ARHGAP18: variants seen among roughly 807,000 people sequenced by gnomAD.
ARHGAP18 encodes the protein rho GTPase-activating protein 18.
A neutral mutation model predicts 86.2 loss-of-function variants in ARHGAP18; 67 were observed. The observed-to-expected ratio is 0.78, with a 90% CI of 0.64 to 0.95. The LOEUF (loss-of-function observed/expected upper bound fraction) is 0.95. Ranked by LOEUF, ARHGAP18 falls within the 40% of genes least tolerant of loss-of-function variation. The probability of loss-of-function intolerance (pLI) is 0.00; values close to 1 mark genes in which losing one functional copy is unlikely to be tolerated. For synonymous variants in ARHGAP18, 283 were observed against 280.4 expected, an observed-to-expected ratio of 1.01 and a Z score of -0.09; for missense variants, 691 against 780.4, an observed-to-expected ratio of 0.89 and a Z score of 1.37.
intron 1 of ARHGAP18, among the ~76,000 whole-genome samples, chr6:129,695,119 A>C (rs1774590875): frequency 6.6e-6 from 1 of 152,114 alleles, no homozygotes; most frequent in South Asian, 2.1e-4. Context: ...AATGGTAATA[A>C]CTATTCTGAA....
intron 1 of ARHGAP18, among the ~76,000 whole-genome samples, chr6:129,647,769 G>T (rs530188093): frequency 6.6e-6 from 1 of 151,888 alleles, no homozygotes; most frequent in East Asian, 1.9e-4. Context: ...CATATGTATT[G>T]AAGTGTAAAC....
At chr6:129,678,636 T>C (rs1395006630) in intron 1 of ARHGAP18, among the ~76,000 whole-genome samples, 1 of 152,120 alleles carries the variant, frequency 6.6e-6, no homozygotes, top group Non-Finnish European at 1.5e-5. Flanking sequence ...ACCTGGGAGC[T>C]TCACCAAAAA....
chr6:129,706,861 G>A (rs1774809893), intron 1 of ARHGAP18, among the ~76,000 whole-genome samples: 1 of 142,924 alleles, frequency 7.0e-6, no homozygotes, highest in Admixed American at 7.2e-5. Context: ...ATTCCAGCCT[G>A]GGTGACAGAG....
chr6:129,668,110 T>C (rs1774075233), intron 1 of ARHGAP18, among the ~76,000 whole-genome samples: 1 of 152,242 alleles, frequency 6.6e-6, no homozygotes, highest in African/African-American at 2.4e-5. Context: ...GTCAGCTACC[T>C]GCCATCCATT....
At chr6:129,625,634 T>TTTATA (rs1261407492) in intron 5 of ARHGAP18, among the ~76,000 whole-genome samples, 1 of 46,618 alleles carries the variant, frequency 2.1e-5, no homozygotes, top group Admixed American at 4.1e-4. Flanking sequence ...ATTATATATA[T>TTTATA]TTATATTATA....
intron 1 of ARHGAP18, among the ~76,000 whole-genome samples, chr6:129,680,910 C>T (rs568826302): frequency 6.6e-6 from 1 of 152,352 alleles, no homozygotes; most frequent in Admixed American, 6.5e-5. Context: ...GCAATGACAG[C>T]AGTGGAGGAT....
In ARHGAP18 at chr6:129,660,167, C is replaced by T. The variant is rs145538730; in HGVS notation, c.114-18149G>A. Among the ~76,000 whole-genome samples the T allele has an allele frequency of 1.8e-3, 279 of 152,204 alleles. 1 individual carries two copies. Among genetic ancestry groups the T allele is most frequent in the Non-Finnish European group, 3.0e-3 (203 of 68,004 alleles). On this transcript the variant is annotated intron_variant, in intron 1 of 14. Transcript: ENST00000368149. ...TAAGAACCCTGGAATGCAGGCAGTA[C>T]GACAATGGAAAGTTTTTAAACAAGC...
intron 1 of ARHGAP18, among the ~76,000 whole-genome samples, chr6:129,708,503 C>A (rs1562732176): frequency 6.6e-6 from 1 of 152,216 alleles, no homozygotes; most frequent in Non-Finnish European, 1.5e-5. Flanking sequence ...CAGCCCCAGA[C>A]AAAGGCCTAG....
At chr6:129,605,041 G>GA (rs1235621718) in intron 10 of ARHGAP18, among the ~76,000 whole-genome samples, 1 of 151,654 alleles carries the variant, frequency 6.6e-6, no homozygotes, top group Non-Finnish European at 1.5e-5. Flanking sequence ...ATCTTAAATA[G>GA]AAAAAAATGA....
chr6:129,594,262 T>C (rs4895852), intron 12 of ARHGAP18, among the ~76,000 whole-genome samples: 84,826 of 152,040 alleles, frequency 0.56, 24,473 homozygotes, highest in African/African-American at 0.71. Flanking sequence ...AAACCTTTGT[T>C]CAGTGTTAAC....
chr6:129,709,854 G>A (rs986002426), intron 1 of ARHGAP18, among the ~76,000 whole-genome samples, 170 bp downstream of exon 1: 2 of 152,222 alleles, frequency 1.3e-5, no homozygotes, highest in Non-Finnish European at 2.9e-5. Flanking sequence ...ACTTGGACTA[G>A]GTGAGATGAA....
At chr6:129,705,322 A>G (rs1418226735) in intron 1 of ARHGAP18, among the ~76,000 whole-genome samples, 2 of 152,224 alleles carry the variant, frequency 1.3e-5, no homozygotes, top group African/African-American at 4.8e-5. Flanking sequence ...GGGCAGTAGT[A>G]GTTCTTAAAG....
chr6:129,579,983 T>C, intron 14 of ARHGAP18, 87 bp downstream of exon 14: 3 of 1,137,354 alleles, frequency 2.6e-6, no homozygotes, highest in Non-Finnish European at 2.6e-6. Flanking sequence ...ACTTCTAATT[T>C]CCTGTTCTTC....
intron 3 of ARHGAP18, among the ~76,000 whole-genome samples, chr6:129,637,250 A>G (rs1296200234): frequency 6.6e-6 from 1 of 152,000 alleles, no homozygotes; most frequent in Non-Finnish European, 1.5e-5. Flanking sequence ...CTTTTTGTAG[A>G]GATTGGGTTT....
chr6:129,585,721 A>G (rs1161281210), intron 12 of ARHGAP18, among the ~76,000 whole-genome samples: 1 of 152,172 alleles, frequency 6.6e-6, no homozygotes, highest in East Asian at 1.9e-4. Context: ...AGGGCCTTAC[A>G]CTCATGACTT....
intron 1 of ARHGAP18, among the ~76,000 whole-genome samples, chr6:129,646,942 T>C (rs903613465): frequency 1.6e-4 from 25 of 152,152 alleles, no homozygotes; most frequent in African/African-American, 6.0e-4. Context: ...CAACACATAA[T>C]GGGTCTGAAA....
intron 7 of ARHGAP18, among the ~76,000 whole-genome samples, chr6:129,615,545 C>T (rs770765235): frequency 6.6e-6 from 1 of 152,164 alleles, no homozygotes; most frequent in African/African-American, 2.4e-5. Flanking sequence ...ATTTCAGAAA[C>T]GGTGATATGC....
chr6:129,589,868 G>A (rs772880131), intron 12 of ARHGAP18, among the ~76,000 whole-genome samples: 75 of 152,284 alleles, frequency 4.9e-4, no homozygotes, highest in Non-Finnish European at 9.4e-4. Flanking sequence ...CAAAAGTGGG[G>A]AAGCTGACAG....
chr6:129,585,826 C>A (rs539627680), intron 12 of ARHGAP18, among the ~76,000 whole-genome samples: 2 of 152,308 alleles, frequency 1.3e-5, no homozygotes, highest in South Asian at 4.1e-4. Flanking sequence ...CTAATTCCAA[C>A]CTCCCAATTC....
Sources: allele counts gnomAD v4.1 joint callset (sites outside exome capture counted in the v4.1 genomes callset), GRCh38; gene constraint gnomAD v4.1.1; transcripts MANE v1.5; gene names NCBI Gene and HGNC (gene_info 2026-07-23, HGNC 2026-07-21).